The following PSORS1C1 variants were observed in gnomAD, a reference collection of about 807,000 sequenced individuals.
PSORS1C1 encodes the protein psoriasis susceptibility 1 candidate 1.
PSORS1C1 carries 7 observed loss-of-function variants against 9.4 expected under a neutral mutation model. The observed-to-expected ratio is 0.75, with a 90% CI of 0.42 to 1.40. The LOEUF (loss-of-function observed/expected upper bound fraction) is 1.40. Ranked by LOEUF, PSORS1C1 falls within the 40% of genes most tolerant of loss-of-function variation. PSORS1C1 has a pLI of 0.01. For synonymous variants in PSORS1C1, 63 were observed against 69.4 expected, an observed-to-expected ratio of 0.91 and a Z score of 0.46; for missense variants, 146 against 178.1, an observed-to-expected ratio of 0.82 and a Z score of 1.02.
In PSORS1C1 at chr6:31,139,561, C is replaced by G. The variant is rs2233946; in HGVS notation, c.168-80C>G. ...CTCACCCCCGCACTGAAAGCTCCCCCTGGGGCTTCGTGCTTTCCTGGGCAC... is the reference window on the plus strand; with the variant it reads ...CTCACCCCCGCACTGAAAGCTCCCCGTGGGGCTTCGTGCTTTCCTGGGCAC... On this transcript the variant is annotated intron_variant, in intron 5 of 5. Coordinates refer to ENST00000259881, the MANE Select transcript of PSORS1C1 (RefSeq NM_014068.3). This position sits in a 1 kb window ranked among gnomAD's most constrained non-coding sequence, Gnocchi z 5.2. The G allele has an allele frequency of 0.15, 216,235 of 1,447,516 alleles. 17,097 individuals are homozygous for G. Among genetic ancestry groups the G allele is most frequent in the Non-Finnish European group, 0.16 (173,616 of 1,062,342 alleles). The allele number at this position is 1,447,516 out of a possible 1,614,324, so 89.7% of individuals were successfully genotyped here. A position where few individuals can be genotyped will look rare whatever the true frequency, so the allele number is the denominator to read the frequency against.
intron 1 of PSORS1C1, chr6:31,117,400 C>A: frequency 6.4e-7 from 1 of 1,566,988 alleles, no homozygotes; most frequent in Non-Finnish European, 8.6e-7. Context: ...GCCAGAACTG[C>A]TGGAGCCACT....
At chr6:31,129,719 T>C in intron 3 of PSORS1C1, 74 bp downstream of exon 3, 1 of 775,894 alleles carries the variant, frequency 1.3e-6, no homozygotes, top group Non-Finnish European at 2.4e-6. Flanking sequence ...GAGTGCCTTC[T>C]AGGCTGGGTA....
At chr6:31,122,828 G>T (rs1489143203) in intron 1 of PSORS1C1, among the ~76,000 whole-genome samples, 1 of 152,158 alleles carries the variant, frequency 6.6e-6, no homozygotes, top group African/African-American at 2.4e-5. Flanking sequence ...CCTCCTGTGG[G>T]CCTCCCTAGA....
intron 2 of PSORS1C1, among the ~76,000 whole-genome samples, chr6:31,126,855 T>TG (rs9281216): frequency 0.24 from 36,883 of 152,060 alleles, 4,819 homozygotes; most frequent in Middle Eastern, 0.37. Context: ...AGTCGCTCCC[T>TG]GGCCGAAGCC....
rs557906500 is a variant in PSORS1C1, at chr6:31,136,701, GC to G, written c.14-1727del. Among the ~76,000 whole-genome samples the G allele has an allele frequency of 1.9e-3, 284 of 152,282 alleles. 1 individual carries two copies. The highest frequency in any genetic ancestry group is 6.6e-3 in the African/African-American group (273 of 41,540). On this transcript the variant is annotated intron_variant, in intron 3 of 5. Transcript: ENST00000259881. ...TGTTCTCAGAAAGGGAGAAATGTGG[GC>G]CTGAATGTTATTGTGACTTGCATAG... is the stretch of plus-strand genomic sequence containing the variant.
intron 1 of PSORS1C1, among the ~76,000 whole-genome samples, chr6:31,122,898 AG>A (rs34497585): frequency 4.6e-5 from 7 of 151,984 alleles, no homozygotes; most frequent in African/African-American, 1.7e-4. Flanking sequence ...TGGGGTAATG[AG>A]GGGAGTGGCA....
chr6:31,123,967 C>G (rs530386915), intron 1 of PSORS1C1, among the ~76,000 whole-genome samples: 21 of 152,292 alleles, frequency 1.4e-4, no homozygotes, highest in Non-Finnish European at 1.6e-4. Context: ...GAGCAGGCAG[C>G]CAGACGTGGG....
intron 4 of PSORS1C1, 82 bp from the exon 5 acceptor site, chr6:31,138,574 A>C: frequency 1.9e-6 from 3 of 1,608,698 alleles, no homozygotes; most frequent in Non-Finnish European, 2.6e-6. Context: ...AATAAGCTCC[A>C]TCCACCCCTG....
intron 3 of PSORS1C1, among the ~76,000 whole-genome samples, chr6:31,136,460 A>G (rs1157526349): frequency 6.6e-6 from 1 of 151,878 alleles, no homozygotes. Context: ...TTTGTTTCCT[A>G]TTGACCTTTG....
At chr6:31,138,112 G>C in intron 3 of PSORS1C1, 1 of 1,603,982 alleles carries the variant, frequency 6.2e-7, no homozygotes, top group Non-Finnish European at 8.5e-7. Flanking sequence ...GGCGGTTCAG[G>C]GAGCCAGACT....
chr6:31,139,597 C>G lies in PSORS1C1; in HGVS notation c.168-44C>G, dbSNP rs1377451764. 3.1e-6 allele frequency: 5 copies of G among 1,590,730 alleles called. No homozygotes were observed. The highest frequency in any genetic ancestry group is 1.1e-5 in the South Asian group (1 of 89,384). On this transcript the variant is annotated intron_variant, in intron 5 of 5. Coordinates refer to ENST00000259881, the MANE Select transcript of PSORS1C1 (RefSeq NM_014068.3). The surrounding 1 kb of genome is among the most constrained non-coding windows in gnomAD (Gnocchi z 5.2). ...TGCTTTCCTGGGCACTTCCCTTCCC[C>G]CATGGGATCCAGGCATCCTGCTCTC...
intron 3 of PSORS1C1, 173 bp from the exon 4 acceptor site, chr6:31,138,257 T>TCGGTCCTCTG (rs1773258000): frequency 1.3e-6 from 2 of 1,573,150 alleles, no homozygotes; most frequent in East Asian, 2.2e-5. Flanking sequence ...CTGCCTCCTC[T>TCGGTCCTCTG]CGGTCCTCTG....
At chr6:31,134,746 T>C (rs770987552) in intron 3 of PSORS1C1, among the ~76,000 whole-genome samples, 4 of 152,216 alleles carry the variant, frequency 2.6e-5, no homozygotes, top group African/African-American at 7.2e-5. Flanking sequence ...CAGTAGACCA[T>C]TGGGATCTCT....
chr6:31,122,402 T>C (rs9501499), intron 1 of PSORS1C1, among the ~76,000 whole-genome samples: 3,849 of 152,196 alleles, frequency 0.025, 125 homozygotes, highest in African/African-American at 0.074. Flanking sequence ...GCCCAGCCAA[T>C]GCTAGCAGAG....
chr6:31,118,468 G>C (rs1473547639), intron 1 of PSORS1C1: 1 of 152,420 alleles, frequency 6.6e-6, no homozygotes, highest in African/African-American at 2.4e-5. Flanking sequence ...GAACCTCCGA[G>C]GCTCCTGGCC....
intron 1 of PSORS1C1, chr6:31,116,822 G>A (rs759141071): frequency 1.2e-6 from 2 of 1,613,978 alleles, no homozygotes; most frequent in East Asian, 2.2e-5. Context: ...ACCACTCCAG[G>A]GGCACCAGAA....
Position 31,139,584 on chromosome 6 carries a change from C to T in PSORS1C1, c.168-57C>T. ...CCCTGGGGCTTCGTGCTTTCCTGGG[C>T]ACTTCCCTTCCCCCATGGGATCCAG... is the stretch of plus-strand genomic sequence containing the variant. On this transcript the variant is annotated intron_variant, in intron 5 of 5. Coordinates refer to ENST00000259881, the MANE Select transcript of PSORS1C1 (RefSeq NM_014068.3). The surrounding 1 kb of genome is among the most constrained non-coding windows in gnomAD (Gnocchi z 5.2). The T allele has an allele frequency of 6.4e-7, 1 of 1,565,154 alleles. No homozygotes were observed. The highest frequency in any genetic ancestry group is 1.2e-5 in the South Asian group (1 of 86,550).
intron 3 of PSORS1C1, among the ~76,000 whole-genome samples, chr6:31,132,073 C>T (rs2150971790): frequency 6.6e-6 from 1 of 151,326 alleles, no homozygotes; most frequent in Admixed American, 6.6e-5. Context: ...TAGTAAGACC[C>T]AATCTCTACA....
chr6:31,115,952 A>C lies in PSORS1C1; in HGVS notation c.-229+1061A>C, dbSNP rs3095297. ...AGCTAACCCTATGCCTGGGCACTGG[A>C]CTTCTCCCATATGGGATATAGTGTA... On this transcript the variant is annotated intron_variant, in intron 1 of 5. Transcript: ENST00000259881. The surrounding 1 kb of genome is among the most constrained non-coding windows in gnomAD (Gnocchi z 4.2). 449,039 of 1,354,914 alleles carry C rather than the reference A, an allele frequency of 0.33. 78,602 individuals are homozygous for C. Among genetic ancestry groups the C allele is most frequent in the African/African-American group, 0.57 (39,212 of 69,126 alleles). The allele number at this position is 1,354,914 out of a possible 1,614,324, so 83.9% of individuals were successfully genotyped here.
Sources: gnomAD v4.1 joint callset for allele counts (sites outside exome capture counted in the v4.1 genomes callset) on GRCh38, gnomAD v4.1.1 for gene constraint, Gnocchi (gnomAD v3.1) non-coding constraint, MANE v1.5 for transcripts, NCBI Gene and HGNC (gene_info 2026-07-23, HGNC 2026-07-21) for gene names.